NEGR1: variants seen among roughly 807,000 people sequenced by gnomAD.
The protein encoded by NEGR1 is neuronal growth regulator 1.
NEGR1 carries 10 observed loss-of-function variants against 40.9 expected under a neutral mutation model. That is an observed-to-expected ratio of 0.24 (90% CI 0.15 to 0.42). The LOEUF (loss-of-function observed/expected upper bound fraction) is 0.42, where lower values mean the gene tolerates loss of function less well. Ranked by LOEUF, NEGR1 falls within the 10% of genes least tolerant of loss-of-function variation. The probability of loss-of-function intolerance (pLI) is 1.00; values close to 1 mark genes in which losing one functional copy is unlikely to be tolerated. For synonymous variants in NEGR1, 185 were observed against 166.8 expected, an observed-to-expected ratio of 1.11 and a Z score of -0.84; for missense variants, 352 against 438.9, an observed-to-expected ratio of 0.80 and a Z score of 1.77.
chr1:72,281,851 AAGAT>A (rs1423083174), intron 1 of NEGR1, among the ~76,000 whole-genome samples: 3 of 152,202 alleles, frequency 2.0e-5, no homozygotes, highest in African/African-American at 7.2e-5. Context: ...AAAGGAAAGA[AAGAT>A]AAAGAGCAAG....
intron 1 of NEGR1, among the ~76,000 whole-genome samples, chr1:71,943,511 A>G: frequency 6.6e-6 from 1 of 152,056 alleles, no homozygotes; most frequent in East Asian, 1.9e-4. Context: ...CATTAATAAG[A>G]AGCTTCCAAG....
intron 4 of NEGR1, among the ~76,000 whole-genome samples, chr1:71,665,302 A>G (rs1399136930): frequency 6.6e-6 from 1 of 152,198 alleles, no homozygotes; most frequent in Non-Finnish European, 1.5e-5. Context: ...AGTTCAATGT[A>G]CTTCCTATTG....
intron 2 of NEGR1, among the ~76,000 whole-genome samples, chr1:71,813,865 T>G (rs948511672): frequency 2.0e-5 from 3 of 152,120 alleles, no homozygotes; most frequent in Non-Finnish European, 2.9e-5. Flanking sequence ...TGTAGCATAA[T>G]GTCATCTGCA....
intron 1 of NEGR1, among the ~76,000 whole-genome samples, chr1:71,999,090 A>T (rs919387267): frequency 1.3e-5 from 2 of 151,890 alleles, no homozygotes; most frequent in African/African-American, 2.4e-5. Context: ...AGGCTTTACT[A>T]TGGTTTTAGG....
chr1:71,481,036 A>G (rs1646850742), intron 6 of NEGR1, among the ~76,000 whole-genome samples: 2 of 151,950 alleles, frequency 1.3e-5, no homozygotes, highest in Admixed American at 6.6e-5. Context: ...AAAGATAAGC[A>G]TTTTTATAAA....
intron 1 of NEGR1, among the ~76,000 whole-genome samples, chr1:71,989,705 T>G (rs769106125): frequency 9.9e-5 from 15 of 152,212 alleles, no homozygotes; most frequent in Admixed American, 2.0e-4. Flanking sequence ...TTATTTCTAT[T>G]AAATTGGTCA....
At chr1:72,194,046 A>T (rs1652915063) in intron 1 of NEGR1, among the ~76,000 whole-genome samples, 1 of 151,878 alleles carries the variant, frequency 6.6e-6, no homozygotes. Flanking sequence ...ACTGAAGGTA[A>T]ATTTTTTAGA....
chr1:72,053,785 C>T (rs1647085020), intron 1 of NEGR1, among the ~76,000 whole-genome samples: 1 of 150,902 alleles, frequency 6.6e-6, no homozygotes, highest in Non-Finnish European at 1.5e-5. Context: ...CCTAATAGTA[C>T]ACTAGTTTCA....
At chr1:71,589,072 T>C (rs1649410244) in intron 6 of NEGR1, among the ~76,000 whole-genome samples, 1 of 152,168 alleles carries the variant, frequency 6.6e-6, no homozygotes, top group Admixed American at 6.5e-5. Context: ...ATCTGGCTTC[T>C]ACTCTCAGTT....
chr1:72,035,372 G>T (rs1646893463), intron 1 of NEGR1, among the ~76,000 whole-genome samples: 1 of 152,084 alleles, frequency 6.6e-6, no homozygotes, highest in African/African-American at 2.4e-5. Context: ...TGAGACAATG[G>T]AGCCGTTTCA....
At chr1:71,812,971 A>G (rs1318787679) in intron 2 of NEGR1, among the ~76,000 whole-genome samples, 1 of 152,042 alleles carries the variant, frequency 6.6e-6, no homozygotes, top group African/African-American at 2.4e-5. Context: ...CTTTTGTCGC[A>G]ATTGCTTTTG....
At chr1:71,533,308 T>C (rs954893552) in intron 6 of NEGR1, among the ~76,000 whole-genome samples, 1 of 151,624 alleles carries the variant, frequency 6.6e-6, no homozygotes. Context: ...CCCTAAAAAG[T>C]CTTTCAATCA....
intron 2 of NEGR1, among the ~76,000 whole-genome samples, chr1:71,800,364 T>G (rs887186391): frequency 2.0e-5 from 3 of 152,304 alleles, no homozygotes; most frequent in African/African-American, 7.2e-5. Context: ...AGCTCCCATT[T>G]GTCAATTTTG....
At position 71,673,798 on chromosome 1, in the gene NEGR1, A is replaced by G. The variant is rs112833621; in HGVS notation, c.667+24210T>C. ...CCATATGCATTTATTTCCATTAATG[A>G]TATTTTTTTTTACTAACGAATAAAT... On this transcript the variant is annotated intron_variant, in intron 4 of 6. Transcript: ENST00000357731. Among the ~76,000 whole-genome samples the G allele has an allele frequency of 5.2e-4, 5 of 9,590 alleles. 1 individual carries two copies. The highest frequency in any genetic ancestry group is 5.8e-4 in the African/African-American group (5 of 8,614). 6.3% of individuals were successfully genotyped at this position (9,590 alleles called of 152,430 possible).
rs1226681137 is a variant in NEGR1 at position 72,189,123 on chromosome 1, T to C, written c.176+93196A>G. ...CACTGCAGGAAGACAGTCTCCCTAT[T>C]CAAATGATAAATTGCACTTTTGGCA... On this transcript the variant is annotated intron_variant, in intron 1 of 6. Coordinates refer to ENST00000357731, the MANE Select transcript of NEGR1 (RefSeq NM_173808.3). Among the ~76,000 whole-genome samples, 3 of 151,628 alleles carry C rather than the reference T, an allele frequency of 2.0e-5. No homozygotes were observed. In the East Asian group the frequency reaches 5.8e-4, roughly 29 times the overall value.
At chr1:71,994,547 C>CAAAA (rs1220980287) in intron 1 of NEGR1, among the ~76,000 whole-genome samples, 11 of 59,550 alleles carry the variant, frequency 1.8e-4, no homozygotes, top group African/African-American at 5.7e-4. Flanking sequence ...ACAAAACAAA[C>CAAAA]AAAAAAAAAA....
At chr1:71,722,629 C>A (rs1654546481) in intron 3 of NEGR1, among the ~76,000 whole-genome samples, 1 of 151,996 alleles carries the variant, frequency 6.6e-6, no homozygotes, top group Admixed American at 6.6e-5. Context: ...TGGTCTTGGG[C>A]AAGCCTTTTT....
chr1:72,147,132 C>T (rs545760246), intron 1 of NEGR1, among the ~76,000 whole-genome samples: 113 of 152,140 alleles, frequency 7.4e-4, no homozygotes, highest in African/African-American at 2.5e-3. Flanking sequence ...TCATATAAGG[C>T]AATAAAAATT....
At chr1:72,186,894 G>C (rs559165663) in intron 1 of NEGR1, among the ~76,000 whole-genome samples, 31 of 151,636 alleles carry the variant, frequency 2.0e-4, no homozygotes, top group African/African-American at 7.0e-4. Context: ...TGCTTTGTGG[G>C]ATCTTCATTC....
Sources: gnomAD v4.1 joint callset for allele counts (sites outside exome capture counted in the v4.1 genomes callset) on GRCh38, gnomAD v4.1.1 for gene constraint, MANE v1.5 for transcripts, NCBI Gene and HGNC (gene_info 2026-07-23, HGNC 2026-07-21) for gene names.